Variants in SEPTIN9 observed in about 807,000 individuals in gnomAD.
SEPTIN9 encodes septin 9, also known as septin-9.
In SEPTIN9, 13 loss-of-function variants were observed where a neutral mutation model predicts 56.6. That is an observed-to-expected ratio of 0.23 (90% confidence interval 0.15 to 0.37). The LOEUF (loss-of-function observed/expected upper bound fraction) is 0.37, where lower values mean the gene tolerates loss of function less well. Ranked by LOEUF, SEPTIN9 falls within the 10% of genes least tolerant of loss-of-function variation. The pLI is 1.00. For missense variants in SEPTIN9, 650 were observed against 823.1 expected (o/e 0.79, Z 2.57); for synonymous variants, 332 against 334.1 (o/e 0.99, Z 0.07).
intron 10 of SEPTIN9, among the ~76,000 whole-genome samples, chr17:77,494,076 C>T (rs988897715): frequency 2.0e-5 from 3 of 151,300 alleles, no homozygotes; most frequent in South Asian, 2.1e-4. Context: ...CGAGCCTGCC[C>T]TCTTTCCTTC....
At chr17:77,479,744 C>A (rs1422070765) in intron 3 of SEPTIN9, among the ~76,000 whole-genome samples, 1 of 151,804 alleles carries the variant, frequency 6.6e-6, no homozygotes, top group African/African-American at 2.4e-5. Flanking sequence ...GCGCCTCCCC[C>A]CAGGTCCTGC....
chr17:77,393,805 C>G (rs776637067), intron 2 of SEPTIN9, among the ~76,000 whole-genome samples: 1 of 152,076 alleles, frequency 6.6e-6, no homozygotes, highest in Non-Finnish European at 1.5e-5. Flanking sequence ...AGGCTGGTCT[C>G]GAACTCCTGA....
intron 2 of SEPTIN9, among the ~76,000 whole-genome samples, chr17:77,358,527 C>T (rs1335484342): frequency 6.6e-6 from 1 of 152,006 alleles, no homozygotes; most frequent in African/African-American, 2.4e-5. Flanking sequence ...GAGAACCCAG[C>T]TACCCAGCTA....
chr17:77,319,990 G>T lies in SEPTIN9; in HGVS notation c.76+12793G>T, dbSNP rs367749793. 189 of 1,231,700 alleles carry T rather than the reference G, an allele frequency of 1.5e-4. No individual in the cohort carries two copies. The African/African-American group carries it at 2.6e-3, about 17-fold the overall frequency. The allele number at this position is 1,231,700 out of a possible 1,614,324, so 76.3% of individuals were successfully genotyped here. A position where few individuals can be genotyped will look rare whatever the true frequency, so the allele number is the denominator to read the frequency against. On this transcript the variant is annotated intron_variant, in intron 2 of 11. Coordinates refer to ENST00000427177, the MANE Select transcript of SEPTIN9 (RefSeq NM_001113491.2). The surrounding 1 kb of genome is among the most constrained non-coding windows in gnomAD (Gnocchi z 5.3). ...CTCTGGGACTCTCGCAGGCAGACCC[G>T]GTGGTCTGCCGGACTCCTCGGGGCC...
intron 3 of SEPTIN9, among the ~76,000 whole-genome samples, chr17:77,414,510 C>T (rs957083387): frequency 6.6e-6 from 1 of 151,562 alleles, no homozygotes; most frequent in African/African-American, 2.4e-5. Flanking sequence ...GAAGAAACCC[C>T]GTAGCCTTTA....
intron 2 of SEPTIN9, among the ~76,000 whole-genome samples, chr17:77,344,987 A>T (rs1322173002): frequency 6.7e-6 from 1 of 149,792 alleles, no homozygotes; most frequent in African/African-American, 2.5e-5. Context: ...AAAAAAAAAA[A>T]AAAAAAAAAG....
chr17:77,416,067 G>GGC (rs1304839173), intron 3 of SEPTIN9, among the ~76,000 whole-genome samples: 1 of 152,250 alleles, frequency 6.6e-6, no homozygotes, highest in Admixed American at 6.5e-5. Flanking sequence ...AATTAAGACA[G>GGC]GCCCAGCCCT....
At chr17:77,384,707 G>A (rs77257328) in intron 2 of SEPTIN9, among the ~76,000 whole-genome samples, 3,131 of 152,082 alleles carry the variant, frequency 0.021, 55 homozygotes, top group Non-Finnish European at 0.028. Context: ...TCCGAGCCAA[G>A]AATGACATAT....
intron 2 of SEPTIN9, among the ~76,000 whole-genome samples, chr17:77,392,573 C>T (rs1051519675): frequency 2.0e-5 from 3 of 152,030 alleles, no homozygotes; most frequent in Admixed American, 6.6e-5. Context: ...CGGACTGGGC[C>T]GGCACTGGAG....
In SEPTIN9 at chr17:77,435,117, T is replaced by G. The variant is rs955865252; in HGVS notation, c.721+32414T>G. Reference sequence around the variant, plus strand: ...ACTGTGAAATTGATTCTGTTGTTATTCCCATTTCACCGATGAGGAACCCAC... The same window carrying G: ...ACTGTGAAATTGATTCTGTTGTTATGCCCATTTCACCGATGAGGAACCCAC... On this transcript the variant is annotated intron_variant, in intron 3 of 11. Transcript: ENST00000427177. This position sits in a 1 kb window ranked among gnomAD's most constrained non-coding sequence, Gnocchi z 4.5. Among the ~76,000 whole-genome samples, 4 of 152,164 alleles carry G rather than the reference T, an allele frequency of 2.6e-5. No individual in the cohort carries two copies. The highest frequency in any genetic ancestry group is 4.8e-5 in the African/African-American group (2 of 41,432).
chr17:77,425,712 G>A lies in SEPTIN9; in HGVS notation c.721+23009G>A, dbSNP rs2036881694. 6.6e-6 allele frequency among the ~76,000 whole-genome samples: 1 copy of A among 152,204 alleles called. No homozygotes were observed. The highest frequency in any genetic ancestry group is 1.5e-5 in the Non-Finnish European group (1 of 68,036). The stretch of plus-strand genomic sequence containing the variant: ...CCCCTCCCACCCAGGGACCTGGCAT[G>A]TTGGGAGGCTAAGAGGAAGCTGCCC... On this transcript the variant is annotated intron_variant, in intron 3 of 11. Transcript: ENST00000427177. The surrounding 1 kb of genome is among the most constrained non-coding windows in gnomAD (Gnocchi z 4.2).
intron 3 of SEPTIN9, among the ~76,000 whole-genome samples, chr17:77,411,226 C>G (rs989189998): frequency 6.6e-6 from 1 of 152,160 alleles, no homozygotes; most frequent in African/African-American, 2.4e-5. Flanking sequence ...GTGGCATTCT[C>G]CTGAATTTTA....
intron 2 of SEPTIN9, among the ~76,000 whole-genome samples, chr17:77,335,366 A>G: frequency 6.6e-6 from 1 of 150,460 alleles, no homozygotes; most frequent in Non-Finnish European, 1.5e-5. Context: ...ATGTACATAT[A>G]TACATATAGG....
In SEPTIN9 at chr17:77,445,230, G is replaced by T; in HGVS notation, c.722-36914G>T. On this transcript the variant is annotated intron_variant, in intron 3 of 11. Transcript: ENST00000427177. This position sits in a 1 kb window ranked among gnomAD's most constrained non-coding sequence, Gnocchi z 4.7. ...ATGTGGGCTGCCTCGGGGCGTCACA[G>T]CTACAAATGCATACCAGCCCTCAGA... 1 of 470,880 alleles carries T rather than the reference G, an allele frequency of 2.1e-6. No individual in the cohort carries two copies. Among genetic ancestry groups the T allele is most frequent in the Non-Finnish European group, 4.4e-6 (1 of 227,058 alleles). 29.2% of individuals were successfully genotyped at this position (470,880 alleles called of 1,614,324 possible).
chr17:77,432,424 T>C (rs1598365218), intron 3 of SEPTIN9, among the ~76,000 whole-genome samples: 2 of 152,232 alleles, frequency 1.3e-5, no homozygotes, highest in African/African-American at 2.4e-5. Flanking sequence ...TGTTCATTTA[T>C]TCATGGCCGA....
At chr17:77,390,583 C>T (rs1461356967) in intron 2 of SEPTIN9, among the ~76,000 whole-genome samples, 2 of 151,064 alleles carry the variant, frequency 1.3e-5, no homozygotes, top group African/African-American at 4.8e-5. Flanking sequence ...TCCCGAGTAG[C>T]TGGGACTACA....
At position 77,478,572 on chromosome 17, in the gene SEPTIN9, C is replaced by T. The variant is rs1273970236; in HGVS notation, c.722-3572C>T. On this transcript the variant is annotated intron_variant, in intron 3 of 11. Transcript: ENST00000427177. ...CTGTAATCTCAGCACTTTGGGAGGC[C>T]GAGGCGGGTGGATCATCTGAGGTCA... Among the ~76,000 whole-genome samples, 8 of 151,848 alleles carry T rather than the reference C, an allele frequency of 5.3e-5. No homozygotes were observed. The South Asian group carries it at 6.2e-4, about 12-fold the overall frequency.
chr17:77,462,669 T>A (rs2038531178), intron 3 of SEPTIN9, among the ~76,000 whole-genome samples: 1 of 152,010 alleles, frequency 6.6e-6, no homozygotes, highest in Non-Finnish European at 1.5e-5. Context: ...TTATTTCTTT[T>A]GCTTGTCTTT....
intron 3 of SEPTIN9, among the ~76,000 whole-genome samples, chr17:77,404,718 A>C (rs932249197): frequency 4.6e-5 from 7 of 151,992 alleles, no homozygotes; most frequent in Admixed American, 2.6e-4. Flanking sequence ...GGGACTCTGC[A>C]TTTCCTACAG....
Sources: allele counts gnomAD v4.1 joint callset (sites outside exome capture counted in the v4.1 genomes callset), GRCh38; gene constraint gnomAD v4.1.1; non-coding constraint Gnocchi (gnomAD v3.1); transcripts MANE v1.5; gene names NCBI Gene and HGNC (gene_info 2026-07-23, HGNC 2026-07-21).